ESRRG: variants seen among roughly 807,000 people sequenced by gnomAD.
The protein encoded by ESRRG is estrogen related receptor gamma.
In ESRRG, 13 loss-of-function variants were observed where a neutral mutation model predicts 44.0. The observed-to-expected ratio is 0.30, with a 90% CI of 0.19 to 0.47. The LOEUF (loss-of-function observed/expected upper bound fraction) is 0.47, where lower values mean the gene tolerates loss of function less well. Among genes scored for constraint, ESRRG ranks in the 20% least tolerant of loss-of-function variants. ESRRG has a pLI of 1.00. For synonymous variants in ESRRG, 215 were observed against 214.6 expected, an observed-to-expected ratio of 1.00 and a Z score of -0.02; for missense variants, 395 against 580.6, an observed-to-expected ratio of 0.68 and a Z score of 3.29.
At chr1:216,764,955 C>G (rs1184637125) in intron 2 of ESRRG, among the ~76,000 whole-genome samples, 2 of 152,028 alleles carry the variant, frequency 1.3e-5, no homozygotes, top group Admixed American at 6.6e-5. Context: ...AACAGCCGCC[C>G]TTCAGGGAAG....
At chr1:216,786,448 TA>T (rs11305387) in intron 2 of ESRRG, among the ~76,000 whole-genome samples, 2,644 of 152,220 alleles carry the variant, frequency 0.017, 84 homozygotes, top group African/African-American at 0.059. Context: ...TCTGGACTAG[TA>T]AATGTGGGGT....
At chr1:217,001,679 A>G (rs1187992367) in intron 1 of ESRRG, among the ~76,000 whole-genome samples, 1 of 152,180 alleles carries the variant, frequency 6.6e-6, no homozygotes, top group Non-Finnish European at 1.5e-5. Flanking sequence ...AAAGAGGCCA[A>G]GGTGGCTGGG....
At chr1:216,740,683 T>C (rs1198290194) in intron 2 of ESRRG, among the ~76,000 whole-genome samples, 7 of 151,932 alleles carry the variant, frequency 4.6e-5, no homozygotes, top group African/African-American at 1.5e-4. Flanking sequence ...AACCCTGCCT[T>C]AGATGCTTGT....
At chr1:217,024,569 C>T (rs1429550125) in intron 1 of ESRRG, among the ~76,000 whole-genome samples, 1 of 152,100 alleles carries the variant, frequency 6.6e-6, no homozygotes, top group African/African-American at 2.4e-5. Context: ...CATTCAAAAT[C>T]ACCGTCAAAT....
At chr1:216,600,509 TTTTTG>T (rs1197902542) in intron 3 of ESRRG, among the ~76,000 whole-genome samples, 19 of 151,622 alleles carry the variant, frequency 1.3e-4, no homozygotes, top group African/African-American at 3.7e-4. Context: ...AAGTGCTGGG[TTTTTG>T]TTTTGTTTTG....
chr1:216,571,010 A>T (rs2060681932), intron 3 of ESRRG, among the ~76,000 whole-genome samples: 1 of 152,188 alleles, frequency 6.6e-6, no homozygotes, highest in South Asian at 2.1e-4. Flanking sequence ...ACCATAGCTG[A>T]GTGACTTGAT....
intron 1 of ESRRG, among the ~76,000 whole-genome samples, chr1:217,110,160 A>T (rs1224658353): frequency 1.3e-5 from 2 of 152,214 alleles, no homozygotes; most frequent in Non-Finnish European, 2.9e-5. Context: ...ATTGCTCATC[A>T]ATCACAACAT....
chr1:217,007,376 T>C (rs1211101144), intron 1 of ESRRG, among the ~76,000 whole-genome samples: 4 of 128,390 alleles, frequency 3.1e-5, no homozygotes, highest in Admixed American at 7.2e-5. Context: ...TTTAGTCTCT[T>C]CTTCCAAAGG....
rs111568173 is a variant in ESRRG, at chr1:216,637,173, C to T, written c.589+13800G>A. ...GGACAGACGCTGGGCAATGGCAGAA[C>T]CTCTTCTGCTAAACAATAGGCTATG... On this transcript the variant is annotated intron_variant, in intron 3 of 6. Transcript: ENST00000408911. Among the ~76,000 whole-genome samples, 428 of 152,254 alleles carry T rather than the reference C, an allele frequency of 2.8e-3. 3 individuals are homozygous for T. The highest frequency in any genetic ancestry group is 0.01 in the African/African-American group (417 of 41,552).
intron 3 of ESRRG, among the ~76,000 whole-genome samples, chr1:216,576,145 G>A (rs1008156751): frequency 5.3e-5 from 8 of 152,018 alleles, no homozygotes; most frequent in Non-Finnish European, 1.0e-4. Context: ...TACAGTTCAG[G>A]AGGGAGTCCC....
At chr1:216,714,300 C>T (rs949177545) in intron 1 of ESRRG, among the ~76,000 whole-genome samples, 1 of 152,210 alleles carries the variant, frequency 6.6e-6, no homozygotes, top group East Asian at 1.9e-4. Flanking sequence ...ATGCACTTAC[C>T]TTTTACCAAA....
At chr1:216,538,588 G>A (rs749463170) in intron 5 of ESRRG, among the ~76,000 whole-genome samples, 2 of 152,060 alleles carry the variant, frequency 1.3e-5, no homozygotes, top group Admixed American at 6.6e-5. Context: ...AGCCTGAGAA[G>A]CTTGAAGAGT....
chr1:216,624,761 C>T (rs1246461785), intron 3 of ESRRG, among the ~76,000 whole-genome samples: 1 of 152,112 alleles, frequency 6.6e-6, no homozygotes, highest in African/African-American at 2.4e-5. Flanking sequence ...GATTTGGACA[C>T]CCCATTATTA....
chr1:216,558,906 G>A (rs1216739941), intron 5 of ESRRG, among the ~76,000 whole-genome samples: 1 of 151,238 alleles, frequency 6.6e-6, no homozygotes, highest in Non-Finnish European at 1.5e-5. Flanking sequence ...TCTTCCTCTT[G>A]TTACCCAGGC....
intron 2 of ESRRG, among the ~76,000 whole-genome samples, chr1:216,856,011 G>T (rs552364474): frequency 6.6e-6 from 1 of 152,286 alleles, no homozygotes; most frequent in African/African-American, 2.4e-5. Flanking sequence ...TTCTTCAAAT[G>T]TCTTCTTTTT....
intron 2 of ESRRG, among the ~76,000 whole-genome samples, chr1:216,935,079 T>C (rs1167974616): frequency 6.6e-6 from 1 of 152,104 alleles, no homozygotes; most frequent in African/African-American, 2.4e-5. Context: ...AAAATTAAAC[T>C]GCTTTTCCTA....
intron 6 of ESRRG, among the ~76,000 whole-genome samples, chr1:216,512,088 C>T (rs2042887092): frequency 6.6e-6 from 1 of 152,088 alleles, no homozygotes; most frequent in South Asian, 2.1e-4. Flanking sequence ...AGAAGAAAAA[C>T]AACAAAATTA....
chr1:216,793,023 A>T (rs1244783194), intron 2 of ESRRG, among the ~76,000 whole-genome samples: 1 of 152,192 alleles, frequency 6.6e-6, no homozygotes, highest in Non-Finnish European at 1.5e-5. Context: ...TTTCTATAAA[A>T]CAAATTTCCC....
chr1:217,101,887 A>C (rs1333806994), intron 1 of ESRRG, among the ~76,000 whole-genome samples: 1 of 151,922 alleles, frequency 6.6e-6, no homozygotes, highest in African/African-American at 2.4e-5. Context: ...GCTCACCGCA[A>C]CCTCTGCCTC....
Sources: allele counts gnomAD v4.1 joint callset (sites outside exome capture counted in the v4.1 genomes callset), GRCh38; gene constraint gnomAD v4.1.1; transcripts MANE v1.5; gene names NCBI Gene and HGNC (gene_info 2026-07-23, HGNC 2026-07-21).